Variants in MERTK observed in about 807,000 individuals in gnomAD.
MERTK encodes MER proto-oncogene, tyrosine kinase.
A neutral mutation model predicts 99.3 loss-of-function variants in MERTK; 69 were observed. The ratio of observed to expected loss-of-function variants is 0.70; its 90% CI spans 0.57 to 0.85. The LOEUF is 0.85. Ranked by LOEUF, MERTK falls within the 40% of genes least tolerant of loss-of-function variation. The pLI, the probability that MERTK is intolerant of heterozygous loss-of-function variation, is 0.00. For synonymous variants in MERTK, 426 were observed against 467.6 expected, an observed-to-expected ratio of 0.91 and a Z score of 1.15; for missense variants, 1,125 against 1,249.4, an observed-to-expected ratio of 0.90 and a Z score of 1.50.
At chr2:111,962,974 C>T (rs2104719842) in intron 4 of MERTK, among the ~76,000 whole-genome samples, 1 of 152,132 alleles carries the variant, frequency 6.6e-6, no homozygotes. Flanking sequence ...CAGTGTTCAG[C>T]ATATGGAGGA....
intron 7 of MERTK, among the ~76,000 whole-genome samples, chr2:111,980,849 A>G (rs1676358372): frequency 6.6e-6 from 1 of 152,172 alleles, no homozygotes; most frequent in African/African-American, 2.4e-5. Context: ...TGAGTTAATT[A>G]TACCTTCTTC....
intron 13 of MERTK, among the ~76,000 whole-genome samples, chr2:112,004,206 A>G (rs1676933999): frequency 6.6e-6 from 1 of 152,198 alleles, no homozygotes. Flanking sequence ...TAACTCCTGC[A>G]TGCCTATGCA....
In MERTK at chr2:112,022,269, C is replaced by T. The variant is rs1247886335; in HGVS notation, c.2361C>T (p.Gly787=). The part of the protein sequence containing the change: ...YTSKSDVWAF[G]VTMWEIATRG... ...TGCTTTGTTCCCAGTGGGCATTTGG[C>T]GTGACCATGTGGGAAATAGCTACGC... is the stretch of plus-strand genomic sequence containing the variant. The change falls in exon 18 of 19, where the codon GGC becomes GGT. Residue 787 remains glycine, a synonymous_variant. Transcript: ENST00000295408. The T allele has an allele frequency of 9.9e-6, 16 of 1,614,048 alleles. No individual in the cohort carries two copies. Among genetic ancestry groups the T allele is most frequent in the Middle Eastern group, 1.6e-4 (1 of 6,082 alleles).
intron 7 of MERTK, among the ~76,000 whole-genome samples, chr2:111,980,420 T>C (rs983676745): frequency 9.6e-5 from 14 of 145,250 alleles, no homozygotes; most frequent in Admixed American, 3.4e-4. Flanking sequence ...TTCTTTTTTT[T>C]TTTTTTTTTT....
At chr2:112,001,072 CT>C in intron 10 of MERTK, 128 bp from the exon 11 acceptor site, 1 of 730,458 alleles carries the variant, frequency 1.4e-6, no homozygotes, top group African/African-American at 1.8e-5. Flanking sequence ...CACGTTTCTT[CT>C]AGGGGGAAAG....
intron 1 of MERTK, among the ~76,000 whole-genome samples, chr2:111,913,558 T>A (rs1355586670): frequency 6.6e-6 from 1 of 152,226 alleles, no homozygotes; most frequent in Non-Finnish European, 1.5e-5. Flanking sequence ...CTTTTTCTTT[T>A]TTTGAGATGG....
At chr2:111,920,357 C>T (rs1190982894) in intron 1 of MERTK, among the ~76,000 whole-genome samples, 1 of 152,166 alleles carries the variant, frequency 6.6e-6, no homozygotes, top group African/African-American at 2.4e-5. Flanking sequence ...AGCGCCAGGC[C>T]TGTTCTCTCC....
At chr2:111,929,098 A>C (rs1253748155) in intron 1 of MERTK, 22 bp from the exon 2 acceptor site, 2 of 1,614,114 alleles carry the variant, frequency 1.2e-6, no homozygotes, top group East Asian at 2.2e-5. Context: ...AAAGGCTAAA[A>C]TTTGGATGTT....
Position 112,008,476 on chromosome 2 carries a change from G to T in MERTK, c.1960+1G>T, listed in dbSNP as rs1677030911. ...CACCCAAATGTCATTCGACTTCTAG[G>T]TACTTCCGAGAAATGCAGGAGTGGG... is the stretch of plus-strand genomic sequence containing the variant. On this transcript the variant is annotated splice_donor_variant, in intron 14 of 18. Coordinates refer to ENST00000295408, the MANE Select transcript of MERTK (RefSeq NM_006343.3). LOFTEE classifies it high-confidence loss of function. The T allele has an allele frequency of 6.2e-7, 1 of 1,612,740 alleles. No individual in the cohort carries two copies. Among genetic ancestry groups the T allele is most frequent in the Admixed American group, 1.7e-5 (1 of 59,996 alleles).
intron 6 of MERTK, among the ~76,000 whole-genome samples, chr2:111,974,633 G>A (rs575678747): frequency 6.6e-6 from 1 of 151,880 alleles, no homozygotes; most frequent in East Asian, 1.9e-4. Flanking sequence ...GCTGTGCGTG[G>A]TGGCACATGC....
chr2:111,980,880 A>G (rs1214335765), intron 7 of MERTK, among the ~76,000 whole-genome samples: 1 of 152,094 alleles, frequency 6.6e-6, no homozygotes, highest in Non-Finnish European at 1.5e-5. Flanking sequence ...CAGCTTTCAA[A>G]TATGTGTTGA....
chr2:112,012,178 G>C (rs1677118850), intron 15 of MERTK, among the ~76,000 whole-genome samples: 1 of 152,184 alleles, frequency 6.6e-6, no homozygotes, highest in Non-Finnish European at 1.5e-5. Flanking sequence ...ATATGCTGTG[G>C]GGTCTGCTGT....
At chr2:111,938,373 C>T (rs763641423) in intron 2 of MERTK, among the ~76,000 whole-genome samples, 15 of 152,268 alleles carry the variant, frequency 9.9e-5, no homozygotes, top group Non-Finnish European at 1.8e-4. Context: ...TACTTTCTTT[C>T]TCTGTGAGTT....
At chr2:111,955,033 T>G (rs1265879735) in intron 4 of MERTK, among the ~76,000 whole-genome samples, 1 of 152,116 alleles carries the variant, frequency 6.6e-6, no homozygotes, top group East Asian at 1.9e-4. Context: ...GCAGAGTAGC[T>G]GCCCCTGACA....
At chr2:111,994,777 CAAAAAAAGAAAAAAA>C (rs1171857912) in intron 9 of MERTK, 1 of 107,970 alleles carries the variant, frequency 9.3e-6, no homozygotes, top group Middle Eastern at 2.6e-3. Context: ...GACCCTGTCT[CAAAAAAAGAAAAAAA>C]AAAAAAAGAA....
In MERTK at chr2:112,015,030, T is replaced by C. The variant is rs149033597; in HGVS notation, c.2080-4383T>C. Among the ~76,000 whole-genome samples, 12 of 152,324 alleles carry C rather than the reference T, an allele frequency of 7.9e-5. No individual in the cohort carries two copies. In the South Asian group the frequency reaches 8.3e-4, roughly 11 times the overall value. ...TGTATATCAATAGTTCATTCCTTCT[T>C]TATTGCTGTGTAGTATTCCATTGTA... On this transcript the variant is annotated intron_variant, in intron 15 of 18. Transcript: ENST00000295408.
chr2:111,922,991 C>T (rs1425684435), intron 1 of MERTK, among the ~76,000 whole-genome samples: 1 of 152,212 alleles, frequency 6.6e-6, no homozygotes, highest in Non-Finnish European at 1.5e-5. Context: ...GTCTGAGCCA[C>T]TGTAATTGTG....
chr2:111,992,757 A>G (rs1469556889), intron 8 of MERTK, among the ~76,000 whole-genome samples: 4 of 141,934 alleles, frequency 2.8e-5, no homozygotes, highest in Non-Finnish European at 1.5e-5. Flanking sequence ...TCTCAAAAAA[A>G]AAAAAAAAAG....
At chr2:111,916,352 C>T (rs763425755) in intron 1 of MERTK, among the ~76,000 whole-genome samples, 3 of 152,218 alleles carry the variant, frequency 2.0e-5, no homozygotes, top group South Asian at 2.1e-4. Flanking sequence ...TTCAGTGATA[C>T]GGATTTTAGA....
Sources: gnomAD v4.1 joint callset for allele counts (sites outside exome capture counted in the v4.1 genomes callset) on GRCh38, gnomAD v4.1.1 for gene constraint, MANE v1.5 for transcripts, NCBI Gene and HGNC (gene_info 2026-07-23, HGNC 2026-07-21) for gene names.